The following RANBP2 variants were observed in gnomAD, a reference collection of about 807,000 sequenced individuals.
The protein encoded by RANBP2 is E3 SUMO-protein ligase RanBP2.
In RANBP2, 57 loss-of-function variants were observed where a neutral mutation model predicts 303.6. The observed-to-expected ratio is 0.19, with a 90% confidence interval of 0.15 to 0.23. The LOEUF is 0.23. RANBP2 is among the 10% of genes least tolerant of loss of function. The pLI, the probability that RANBP2 is intolerant of heterozygous loss-of-function variation, is 1.00. For synonymous variants in RANBP2, 1,167 were observed against 1,301.5 expected, an observed-to-expected ratio of 0.90 and a Z score of 2.23; for missense variants, 3,138 against 3,780.8, an observed-to-expected ratio of 0.83 and a Z score of 4.46.
the RANBP2 span, among the ~76,000 whole-genome samples, chr2:109,530,067 T>C: frequency 1.3e-5 from 2 of 152,136 alleles, no homozygotes; most frequent in Non-Finnish European, 2.9e-5. Flanking sequence ...GAACAGACAG[T>C]TCTTAAAAAA....
the RANBP2 span, among the ~76,000 whole-genome samples, chr2:109,530,532 C>T: frequency 3.0e-4 from 45 of 152,332 alleles, no homozygotes; most frequent in African/African-American, 1.1e-3. Context: ...CGTGTCTATA[C>T]ATATCTATCT....
At chr2:109,454,162 C>A in the RANBP2 span, among the ~76,000 whole-genome samples, 1 of 152,240 alleles carries the variant, frequency 6.6e-6, no homozygotes, top group Non-Finnish European at 1.5e-5. Flanking sequence ...CACATTCACA[C>A]AGACATATTC....
chr2:109,436,807 G>T, the RANBP2 span: 1 of 1,509,472 alleles, frequency 6.6e-7, no homozygotes, highest in Non-Finnish European at 8.9e-7. Flanking sequence ...AAAGCCAGCA[G>T]GTCAGAGCGA....
chr2:109,597,236 T>C, the RANBP2 span, among the ~76,000 whole-genome samples: 1 of 152,202 alleles, frequency 6.6e-6, no homozygotes, highest in Non-Finnish European at 1.5e-5. Context: ...CCACCGTGCC[T>C]GGCTGGAAAA....
the RANBP2 span, among the ~76,000 whole-genome samples, chr2:108,861,461 A>C: frequency 6.7e-6 from 1 of 148,434 alleles, no homozygotes; most frequent in Admixed American, 6.7e-5. Context: ...TTAGCACTAT[A>C]AACTTTCTTC....
At chr2:109,200,104 A>G in the RANBP2 span, among the ~76,000 whole-genome samples, 175 of 152,254 alleles carry the variant, frequency 1.1e-3, 1 homozygote, top group African/African-American at 3.0e-3. Flanking sequence ...AGCCCTAGTG[A>G]TGTGGAGGAA....
At chr2:109,261,133 G>GC in the RANBP2 span, among the ~76,000 whole-genome samples, 1 of 152,142 alleles carries the variant, frequency 6.6e-6, no homozygotes, top group African/African-American at 2.4e-5. Context: ...AGGCCCGTGA[G>GC]CTAGCCTTCT....
At chr2:109,714,917 A>G in the RANBP2 span, among the ~76,000 whole-genome samples, 2 of 93,564 alleles carry the variant, frequency 2.1e-5, no homozygotes, top group African/African-American at 8.6e-5. Flanking sequence ...GGCTTGTGCT[A>G]TTTTTAAACA....
At chr2:109,413,817 C>A in the RANBP2 span, among the ~76,000 whole-genome samples, 2 of 152,184 alleles carry the variant, frequency 1.3e-5, no homozygotes, top group Non-Finnish European at 2.9e-5. Context: ...GGTCCACTGG[C>A]CCAAGCCAGG....
At chr2:108,959,412 G>A in the RANBP2 span, among the ~76,000 whole-genome samples, 5 of 152,232 alleles carry the variant, frequency 3.3e-5, no homozygotes, top group Non-Finnish European at 7.3e-5. Flanking sequence ...ACGCTGGGCT[G>A]TGACTTGGGG....
intron 25 of RANBP2, among the ~76,000 whole-genome samples, chr2:108,781,037 GT>G (rs1678221015): frequency 6.6e-6 from 1 of 151,860 alleles, no homozygotes. Context: ...TAGAGATGGG[GT>G]TTCACCATGT....
At chr2:109,513,526 G>GTA in the RANBP2 span, among the ~76,000 whole-genome samples, 1 of 82,456 alleles carries the variant, frequency 1.2e-5, no homozygotes. Context: ...ATACCCACAT[G>GTA]CACACATTAT....
chr2:109,141,478 CT>C, the RANBP2 span: 252 of 155,012 alleles, frequency 1.6e-3, 3 homozygotes, highest in Middle Eastern at 0.02. Flanking sequence ...ACATGCCTGC[CT>C]TTCCCAGTGA....
the RANBP2 span, among the ~76,000 whole-genome samples, chr2:109,705,231 C>T: frequency 6.6e-6 from 1 of 151,948 alleles, no homozygotes; most frequent in African/African-American, 2.4e-5. Context: ...ATGGAGAAAC[C>T]CCATCTCTAC....
chr2:108,829,443 C>G, the RANBP2 span, among the ~76,000 whole-genome samples: 3 of 152,154 alleles, frequency 2.0e-5, no homozygotes, highest in African/African-American at 4.8e-5. Context: ...CACTTAACAC[C>G]TATTAGAATG....
chr2:109,237,171 A>AT, the RANBP2 span, among the ~76,000 whole-genome samples: 1 of 152,260 alleles, frequency 6.6e-6, no homozygotes, highest in Non-Finnish European at 1.5e-5. Flanking sequence ...TATTTGTAAT[A>AT]TATGAACACT....
At chr2:109,463,267 A>G in the RANBP2 span, among the ~76,000 whole-genome samples, 1 of 152,242 alleles carries the variant, frequency 6.6e-6, no homozygotes, top group Non-Finnish European at 1.5e-5. Flanking sequence ...GCCAGTTGCC[A>G]GTTGATTACT....
the RANBP2 span, among the ~76,000 whole-genome samples, chr2:109,096,335 A>G: frequency 5.3e-5 from 8 of 152,240 alleles, no homozygotes; most frequent in African/African-American, 9.6e-5. Context: ...TAAGATTCCT[A>G]TAATTCTAAT....
At position 108,768,048 on chromosome 2, in the gene RANBP2, A is replaced by G; in HGVS notation, c.7509A>G (p.Thr2503=). The change falls in exon 20 of 29, where the codon ACA becomes ACG. Residue 2503 remains threonine, a synonymous_variant. Coordinates refer to ENST00000283195, the MANE Select transcript of RANBP2 (RefSeq NM_006267.5). ...TTGAAGTGTCTAGCACATCTGAAAC[A>G]ACACCAAAAGCAGTGGTTTCTCCTC... The part of the protein sequence containing the change: ...SEVEVSSTSE[T]TPKAVVSPPK... 1 of 1,611,754 alleles carries G rather than the reference A, an allele frequency of 6.2e-7. No homozygotes were observed. Among genetic ancestry groups the G allele is most frequent in the East Asian group, 2.2e-5 (1 of 44,886 alleles).
Sources: gnomAD v4.1 joint callset for allele counts (sites outside exome capture counted in the v4.1 genomes callset) on GRCh38, gnomAD v4.1.1 for gene constraint, MANE v1.5 for transcripts, NCBI Gene and HGNC (gene_info 2026-07-23, HGNC 2026-07-21) for gene names.